Variants in TCEA3 observed in about 807,000 individuals in gnomAD.
TCEA3 encodes transcription elongation factor A protein 3.
TCEA3 carries 36 observed loss-of-function variants against 44.0 expected under a neutral mutation model. The ratio of observed to expected loss-of-function variants is 0.82; its 90% CI spans 0.63 to 1.08. TCEA3 has a LOEUF of 1.08. Ranked by LOEUF, TCEA3 falls within the 50% of genes least tolerant of loss-of-function variation. TCEA3 has a pLI of 0.00. For synonymous variants in TCEA3, 162 were observed against 159.7 expected, an observed-to-expected ratio of 1.01 and a Z score of -0.11; for missense variants, 392 against 441.2, an observed-to-expected ratio of 0.89 and a Z score of 1.00.
intron 8 of TCEA3, among the ~76,000 whole-genome samples, chr1:23,389,487 C>CAGAAAA (rs1638956160): frequency 7.1e-6 from 1 of 141,428 alleles, no homozygotes. Flanking sequence ...GAGATTCCAT[C>CAGAAAA]AAAAAAAAAA....
At chr1:23,405,125 T>A (rs1470118948) in intron 5 of TCEA3, among the ~76,000 whole-genome samples, 1 of 152,170 alleles carries the variant, frequency 6.6e-6, no homozygotes, top group Non-Finnish European at 1.5e-5. Flanking sequence ...TAGTTTGCCA[T>A]GATCTCCACT....
chr1:23,390,663 C>T (rs923222504), intron 8 of TCEA3, among the ~76,000 whole-genome samples: 12 of 152,092 alleles, frequency 7.9e-5, no homozygotes, highest in Non-Finnish European at 1.8e-4. Flanking sequence ...TCTATCCAGC[C>T]ACACGCCAAT....
At position 23,387,339 on chromosome 1, in the gene TCEA3, A is replaced by T. The variant is rs1638876675; in HGVS notation, c.900T>A (p.Thr300=). The T allele has an allele frequency of 6.2e-7, 1 of 1,613,758 alleles. No homozygotes were observed. Among genetic ancestry groups the T allele is most frequent in the Non-Finnish European group, 8.5e-7 (1 of 1,179,842 alleles). ...GGAAGAGGTCAGTGGTGGTGCCGCC[A>T]GTCTTGGCCATCTGGTGCTCACGGA... is the stretch of plus-strand genomic sequence containing the variant. The part of the protein sequence containing the change: ...EAIREHQMAK[T]GGTTTDLFQC... Residue 300 remains threonine, a synonymous_variant, in exon 9 of 11, where the codon ACT becomes ACA. Transcript: ENST00000450454.
At position 23,424,590 on chromosome 1, in the gene TCEA3, T is replaced by A. The variant is rs754049353; in HGVS notation, c.44A>T (p.Glu15Val). 2.2e-5 allele frequency: 36 copies of A among 1,608,340 alleles called. No individual in the cohort carries two copies. The highest frequency in any genetic ancestry group is 2.9e-5 in the Non-Finnish European group (34 of 1,178,972). Residue 15 changes from glutamate (E) to valine (V), a missense_variant, in exon 1 of 11, where the codon GAG (glutamate) becomes GTG (valine). Physicochemically the swap from Glu to Val is moderately radical, Grantham distance 121. Transcript: ENST00000450454. ...EELLRIAKKL[E>V]KMVARKNTEG... Reference sequence around the variant, plus strand: ...CGTGTTCTTCCTGGCCACCATCTTCTCCAGCTTTTTGGCGATCCTCAGCAG... The same window carrying A: ...CGTGTTCTTCCTGGCCACCATCTTCACCAGCTTTTTGGCGATCCTCAGCAG...
chr1:23,382,143 T>G (rs1220901477), intron 10 of TCEA3, among the ~76,000 whole-genome samples: 1 of 150,484 alleles, frequency 6.6e-6, no homozygotes, highest in African/African-American at 2.4e-5. Context: ...GCCTCCTGAG[T>G]TCAAGCGAGT....
intron 10 of TCEA3, among the ~76,000 whole-genome samples, chr1:23,383,279 CAAA>C (rs10604385): frequency 0.052 from 6,194 of 118,464 alleles, 206 homozygotes; most frequent in South Asian, 0.12. Flanking sequence ...GACTCCATCT[CAAA>C]AAAAAAAAAA....
chr1:23,412,422 G>T (rs1048605798), intron 4 of TCEA3, among the ~76,000 whole-genome samples: 2 of 148,580 alleles, frequency 1.3e-5, no homozygotes, highest in Non-Finnish European at 3.0e-5. Context: ...AAAAAAAATG[G>T]CCGGGCATGG....
At chr1:23,423,676 CT>C (rs918568485) in intron 1 of TCEA3, among the ~76,000 whole-genome samples, 2 of 152,208 alleles carry the variant, frequency 1.3e-5, no homozygotes, top group African/African-American at 4.8e-5. Context: ...ACCAGGCTCC[CT>C]TTTTTTCCCT....
intron 7 of TCEA3, among the ~76,000 whole-genome samples, chr1:23,395,030 A>G (rs1639174422): frequency 1.3e-5 from 2 of 152,250 alleles, no homozygotes; most frequent in African/African-American, 4.8e-5. Flanking sequence ...GGGAAGAGCC[A>G]TATACAATAA....
chr1:23,404,582 A>G (rs1639489199), intron 5 of TCEA3, among the ~76,000 whole-genome samples: 1 of 152,048 alleles, frequency 6.6e-6, no homozygotes, highest in African/African-American at 2.4e-5. Context: ...CTGGCCTTAC[A>G]GGTCAAAAAT....
At chr1:23,383,365 T>C in intron 10 of TCEA3, 1 of 892,124 alleles carries the variant, frequency 1.1e-6, no homozygotes, top group Non-Finnish European at 1.3e-6. Flanking sequence ...TTTATGCTTA[T>C]TAACTATTTC....
At position 23,399,136 on chromosome 1, in the gene TCEA3, G is replaced by GTATA. The variant is rs1191975371; in HGVS notation, c.444-1185_444-1182dup. Among the ~76,000 whole-genome samples the GTATA allele has an allele frequency of 7.5e-4, 44 of 58,664 alleles. 1 individual carries two copies. Among genetic ancestry groups the GTATA allele is most frequent in the African/African-American group, 1.6e-3 (44 of 26,832 alleles). 38.5% of individuals were successfully genotyped at this position (58,664 alleles called of 152,430 possible). A position where few individuals can be genotyped will look rare whatever the true frequency, so the allele number is the denominator to read the frequency against. ...TCATTCAGGTTTTGTTTATATATAT[G>GTATA]TATATATGTATATATATATATATAT... is the stretch of plus-strand genomic sequence containing the variant. On this transcript the variant is annotated intron_variant, in intron 5 of 10. Transcript: ENST00000450454.
Position 23,381,075 on chromosome 1 carries a change from GT to G in TCEA3, c.*390del, listed in dbSNP as rs1482116526. 2 of 175,598 alleles carry G rather than the reference GT, an allele frequency of 1.1e-5. No homozygotes were observed. Among genetic ancestry groups the G allele is most frequent in the Non-Finnish European group, 2.4e-5 (2 of 83,088 alleles). 10.9% of individuals were successfully genotyped at this position (175,598 alleles called of 1,614,324 possible). A position where few individuals can be genotyped will look rare whatever the true frequency, so the allele number is the denominator to read the frequency against. ...GACACCTCAGGTCTAAGGCGCTGCAGTTTCTTTATTTTTTCTTTTTATAGAG... is the reference window on the plus strand; with the variant it reads ...GACACCTCAGGTCTAAGGCGCTGCAGTTCTTTATTTTTTCTTTTTATAGAG... On this transcript the variant is annotated 3_prime_UTR_variant, in exon 11 of 11. Coordinates refer to ENST00000450454, the MANE Select transcript of TCEA3 (RefSeq NM_003196.3).
chr1:23,404,092 G>A (rs1004562138), intron 5 of TCEA3: 17 of 702,170 alleles, frequency 2.4e-5, no homozygotes, highest in Non-Finnish European at 4.2e-5. Flanking sequence ...AGAGGCATCT[G>A]GAGGCCGGGC....
chr1:23,400,520 T>C (rs1384374935), intron 5 of TCEA3, among the ~76,000 whole-genome samples: 1 of 152,090 alleles, frequency 6.6e-6, no homozygotes, highest in Non-Finnish European at 1.5e-5. Context: ...GACTTTGTGA[T>C]AGTTGCACAA....
intron 4 of TCEA3, among the ~76,000 whole-genome samples, chr1:23,413,464 C>T (rs1482297053): frequency 1.4e-5 from 2 of 147,128 alleles, no homozygotes; most frequent in African/African-American, 2.5e-5. Context: ...GACAGAATCT[C>T]GCTCTGTCAT....
chr1:23,400,171 G>A (rs1011748021), intron 5 of TCEA3, among the ~76,000 whole-genome samples: 7 of 152,162 alleles, frequency 4.6e-5, no homozygotes, highest in African/African-American at 1.7e-4. Context: ...ATTTACCACT[G>A]CTCTGCTGTT....
At chr1:23,422,495 T>A (rs747594662) in intron 1 of TCEA3, among the ~76,000 whole-genome samples, 26 of 152,188 alleles carry the variant, frequency 1.7e-4, no homozygotes, top group Non-Finnish European at 3.1e-4. Context: ...ACCCCGGGCC[T>A]GAGCTGCAAC....
intron 5 of TCEA3, among the ~76,000 whole-genome samples, chr1:23,401,665 C>T (rs1321269268): frequency 6.6e-6 from 1 of 152,182 alleles, no homozygotes; most frequent in Non-Finnish European, 1.5e-5. Context: ...CCTCTTCCCC[C>T]ACTATAATCC....
Sources: gnomAD v4.1 joint callset for allele counts (sites outside exome capture counted in the v4.1 genomes callset) on GRCh38, gnomAD v4.1.1 for gene constraint, MANE v1.5 for transcripts, NCBI Gene and HGNC (gene_info 2026-07-23, HGNC 2026-07-21) for gene names.